ANKDD1B: variants seen among roughly 807,000 people sequenced by gnomAD.
The protein encoded by ANKDD1B is ankyrin repeat and death domain-containing protein 1B.
ANKDD1B carries 57 observed loss-of-function variants against 59.7 expected under a neutral mutation model. That is an observed-to-expected ratio of 0.95 (90% CI 0.77 to 1.19). The LOEUF (loss-of-function observed/expected upper bound fraction) is 1.19. ANKDD1B is among the 50% of genes most tolerant of loss of function. The probability of loss-of-function intolerance (pLI) is 0.00; values close to 1 mark genes in which losing one functional copy is unlikely to be tolerated. For synonymous variants in ANKDD1B, 216 were observed against 239.5 expected (o/e 0.90, Z 0.91); for missense variants, 602 against 641.9 (o/e 0.94, Z 0.67).
chr5:75,663,581 T>C (rs1260578556), intron 11 of ANKDD1B, 92 bp downstream of exon 11: 1 of 1,019,078 alleles, frequency 9.8e-7, no homozygotes, highest in Non-Finnish European at 1.5e-6. Context: ...CATTCTTTGC[T>C]CTAATGAGCA....
intron 3 of ANKDD1B, among the ~76,000 whole-genome samples, chr5:75,622,802 A>C (rs1773888906): frequency 6.6e-6 from 1 of 152,060 alleles, no homozygotes; most frequent in South Asian, 2.1e-4. Flanking sequence ...CAGGCATGCC[A>C]GTTTTATATC....
intron 2 of ANKDD1B, among the ~76,000 whole-genome samples, chr5:75,618,719 G>C (rs1459724368): frequency 1.3e-5 from 2 of 152,146 alleles, no homozygotes; most frequent in Non-Finnish European, 2.9e-5. Context: ...TTCAGACAAA[G>C]TCATAATAAC....
At chr5:75,637,345 G>A (rs1199669202) in intron 7 of ANKDD1B, among the ~76,000 whole-genome samples, 1 of 150,486 alleles carries the variant, frequency 6.6e-6, no homozygotes, top group Non-Finnish European at 1.5e-5. Flanking sequence ...GGGTTTGTGA[G>A]TCATTTGCCC....
At chr5:75,665,249 A>G (rs2112030251) in intron 11 of ANKDD1B, among the ~76,000 whole-genome samples, 1 of 152,334 alleles carries the variant, frequency 6.6e-6, no homozygotes, top group East Asian at 1.9e-4. Context: ...GGCTTTCCAA[A>G]TCTCCTGCCC....
intron 3 of ANKDD1B, among the ~76,000 whole-genome samples, chr5:75,621,723 AAT>A (rs767930211): frequency 1.3e-5 from 2 of 152,188 alleles, no homozygotes; most frequent in Non-Finnish European, 2.9e-5. Flanking sequence ...CCATGTTTCT[AAT>A]ATGTTAAATA....
At chr5:75,646,818 G>A (rs1490721843) in intron 7 of ANKDD1B, among the ~76,000 whole-genome samples, 1 of 113,448 alleles carries the variant, frequency 8.8e-6, no homozygotes, top group Non-Finnish European at 1.6e-5. Context: ...AAAGAACAAA[G>A]CTGGAGGCAT....
chr5:75,632,042 G>A (rs1213550524), intron 5 of ANKDD1B, among the ~76,000 whole-genome samples: 1 of 151,424 alleles, frequency 6.6e-6, no homozygotes, highest in African/African-American at 2.4e-5. Context: ...AGAAGGCAGA[G>A]GTTGCAATGA....
chr5:75,620,489 C>T, intron 3 of ANKDD1B, 76 bp downstream of exon 3: 2 of 768,984 alleles, frequency 2.6e-6, no homozygotes, highest in South Asian at 1.8e-5. Flanking sequence ...AGTTAGACAT[C>T]TTTTCTTCAC....
intron 5 of ANKDD1B, among the ~76,000 whole-genome samples, chr5:75,632,029 C>A (rs1460813451): frequency 6.6e-6 from 1 of 151,412 alleles, no homozygotes; most frequent in African/African-American, 2.4e-5. Flanking sequence ...CTTCCTTGAA[C>A]CCAGAAGGCA....
Position 75,642,406 on chromosome 5 carries a change from G to A in ANKDD1B, c.798+6524G>A, listed in dbSNP as rs1304903149. ...TGTGTGCGCGCACCGTGCGCGAGCC[G>A]AAGCAGGGCGAGGCATTGCCTCACC... On this transcript the variant is annotated intron_variant, in intron 7 of 13. Transcript: ENST00000601380. Among the ~76,000 whole-genome samples the A allele has an allele frequency of 1.0e-3, 150 of 149,106 alleles. 1 individual carries two copies. Among genetic ancestry groups the A allele is most frequent in the African/African-American group, 3.5e-3 (139 of 40,064 alleles).
intron 5 of ANKDD1B, among the ~76,000 whole-genome samples, chr5:75,630,436 AG>A (rs1774118695): frequency 6.6e-6 from 1 of 152,326 alleles, no homozygotes; most frequent in South Asian, 2.1e-4. Context: ...ACTGTTTTAA[AG>A]GGCTTCCAAA....
chr5:75,625,269 T>C (rs554093517), intron 3 of ANKDD1B, among the ~76,000 whole-genome samples: 1 of 152,342 alleles, frequency 6.6e-6, no homozygotes, highest in Non-Finnish European at 1.5e-5. Flanking sequence ...CATTTATCTT[T>C]ATTAAAGATA....
At chr5:75,662,697 T>C (rs893414636) in intron 10 of ANKDD1B, among the ~76,000 whole-genome samples, 1 of 152,122 alleles carries the variant, frequency 6.6e-6, no homozygotes, top group Admixed American at 6.5e-5. Context: ...GAGAAAAGTG[T>C]ACCTTTTTGT....
Position 75,611,722 on chromosome 5 carries a change from G to T in ANKDD1B, c.88G>T (p.Glu30Ter). 1 of 1,232,040 alleles carries T rather than the reference G, an allele frequency of 8.1e-7. No homozygotes were observed. Among genetic ancestry groups the T allele is most frequent in the Non-Finnish European group, 1.0e-6 (1 of 988,184 alleles). The allele number at this position is 1,232,040 out of a possible 1,614,324, so 76.3% of individuals were successfully genotyped here. A position where few individuals can be genotyped will look rare whatever the true frequency, so the allele number is the denominator to read the frequency against. ...RAAAAAKGLR[E>*]DLWGAAALPW... The stretch of plus-strand genomic sequence containing the variant: ...TGCTGCGGCCGCCAAGGGTCTCAGG[G>T]AAGACCTGTGGGGCGCGGCCGCCCT... Residue 30 changes from glutamate to a stop codon, truncating the protein, a stop_gained, in exon 1 of 14, where the codon GAA (glutamate) becomes TAA (stop). Coordinates refer to ENST00000601380, the MANE Select transcript of ANKDD1B (RefSeq NM_001276713.2). LOFTEE classifies it high-confidence loss of function.
At chr5:75,629,703 G>A (rs1774096927) in intron 5 of ANKDD1B, among the ~76,000 whole-genome samples, 1 of 152,176 alleles carries the variant, frequency 6.6e-6, no homozygotes. Context: ...GGGAGACAGA[G>A]GTGGGAGGAT....
chr5:75,669,194 A>G, intron 12 of ANKDD1B, 58 bp from the exon 13 acceptor site: 1 of 1,230,254 alleles, frequency 8.1e-7, no homozygotes, highest in Non-Finnish European at 1.0e-6. Flanking sequence ...CTGAGATCAC[A>G]ATGGAAAGAG....
chr5:75,671,491 A>G lies in ANKDD1B; in HGVS notation c.*451A>G, dbSNP rs1482426309. 2.0e-5 allele frequency: 3 copies of G among 152,308 alleles called. No individual in the cohort carries two copies. Among genetic ancestry groups the G allele is most frequent in the Admixed American group, 6.5e-5 (1 of 15,280 alleles). 9.4% of individuals were successfully genotyped at this position (152,308 alleles called of 1,614,324 possible). A position where few individuals can be genotyped will look rare whatever the true frequency, so the allele number is the denominator to read the frequency against. ...AGATCTTCAGTTTCCTTCTCTATAA[A>G]CTGGGAGAGATGTCTATTTAATCCA... On this transcript the variant is annotated 3_prime_UTR_variant, in exon 14 of 14. Transcript: ENST00000601380.
chr5:75,635,193 G>A, intron 6 of ANKDD1B, 197 bp downstream of exon 6: 1 of 444,448 alleles, frequency 2.2e-6, no homozygotes, highest in Non-Finnish European at 4.1e-6. Flanking sequence ...GTCCAGATTG[G>A]CAGTTTTTGC....
At chr5:75,615,690 G>GTGTGTGTT (rs1773698259) in intron 1 of ANKDD1B, among the ~76,000 whole-genome samples, 1 of 151,936 alleles carries the variant, frequency 6.6e-6, no homozygotes, top group Admixed American at 6.6e-5. Context: ...GTGTGTGTGT[G>GTGTGTGTT]TGTGTGTGTG....
Sources: gnomAD v4.1 joint callset for allele counts (sites outside exome capture counted in the v4.1 genomes callset) on GRCh38, gnomAD v4.1.1 for gene constraint, MANE v1.5 for transcripts, NCBI Gene and HGNC (gene_info 2026-07-23, HGNC 2026-07-21) for gene names.